Variants in PDE8A observed in about 807,000 individuals in gnomAD.
PDE8A encodes high affinity cAMP-specific and IBMX-insensitive 3',5'-cyclic phosphodiesterase 8A.
PDE8A carries 59 observed loss-of-function variants against 105.0 expected under a neutral mutation model. That is an observed-to-expected ratio of 0.56 (90% confidence interval 0.46 to 0.70). The LOEUF is 0.70. Among genes scored for constraint, PDE8A ranks in the 30% least tolerant of loss-of-function variants. The probability of loss-of-function intolerance (pLI) is 0.00; values close to 1 mark genes in which losing one functional copy is unlikely to be tolerated. For missense variants in PDE8A, 1,014 were observed against 1,045.9 expected (o/e 0.97, Z 0.42); for synonymous variants, 355 against 371.9 (o/e 0.95, Z 0.52).
intron 6 of PDE8A, among the ~76,000 whole-genome samples, chr15:85,084,828 A>T (rs1052721163): frequency 3.9e-5 from 6 of 152,176 alleles, no homozygotes; most frequent in Admixed American, 2.6e-4. Flanking sequence ...CTTAGCTGTC[A>T]TCTACCTTGT....
chr15:85,102,478 T>TCCTACACCACAAGTTCACA (rs1371241515), intron 11 of PDE8A, among the ~76,000 whole-genome samples: 1 of 150,490 alleles, frequency 6.6e-6, no homozygotes, highest in Non-Finnish European at 1.5e-5. Context: ...TTATGGAGAG[T>TCCTACACCACAAGTTCACA]CCTACACCAC....
rs776617344 is a variant in PDE8A, at chr15:85,126,223, A to G, written c.2102A>G (p.Gln701Arg). The G allele has an allele frequency of 5.6e-6, 9 of 1,604,472 alleles. No individual in the cohort carries two copies. Among genetic ancestry groups the G allele is most frequent in the Non-Finnish European group, 3.4e-6 (4 of 1,176,060 alleles). ...LEENGETDKN[Q>R]EVINTMLRTP... ...ATGTTTCAGGAAACTGATAAAAACC[A>G]GGAAGTGATAAACACTATGCTTAGG... Residue 701 changes from glutamine (Q) to arginine (R), a missense_variant, in exon 20 of 22, where the codon CAG becomes CGG. Transcript: ENST00000394553.
chr15:85,115,932 A>G, intron 15 of PDE8A, 52 bp from the exon 16 acceptor site: 2 of 1,551,180 alleles, frequency 1.3e-6, no homozygotes, highest in East Asian at 2.2e-5. Context: ...AAAAAAAAAA[A>G]AAAGTTAATC....
chr15:85,001,953 G>A (rs1274820689), intron 1 of PDE8A, among the ~76,000 whole-genome samples: 1 of 152,104 alleles, frequency 6.6e-6, no homozygotes, highest in Non-Finnish European at 1.5e-5. Flanking sequence ...TTACCTTAAA[G>A]GTTCACCTTT....
intron 1 of PDE8A, among the ~76,000 whole-genome samples, chr15:84,986,734 C>T (rs973634165): frequency 6.6e-6 from 1 of 151,936 alleles, no homozygotes; most frequent in East Asian, 1.9e-4. Context: ...ACCTCAGCCT[C>T]CCAAGTAACT....
chr15:85,026,633 A>T (rs1181568278), intron 1 of PDE8A, among the ~76,000 whole-genome samples: 1 of 152,164 alleles, frequency 6.6e-6, no homozygotes, highest in East Asian at 1.9e-4. Context: ...ATGGGTAGAG[A>T]GTCAAAAGAT....
chr15:85,081,815 G>GT (rs968741949), intron 5 of PDE8A, among the ~76,000 whole-genome samples: 5 of 152,050 alleles, frequency 3.3e-5, no homozygotes, highest in African/African-American at 9.7e-5. Flanking sequence ...TCACATGCTA[G>GT]TTTTTTTTAC....
intron 1 of PDE8A, among the ~76,000 whole-genome samples, chr15:85,013,115 C>G (rs1277158066): frequency 6.6e-6 from 1 of 152,152 alleles, no homozygotes; most frequent in Non-Finnish European, 1.5e-5. Flanking sequence ...CTAAATGACC[C>G]TGCATTTGTT....
intron 18 of PDE8A, among the ~76,000 whole-genome samples, chr15:85,121,404 C>T (rs1183683561): frequency 6.6e-6 from 1 of 152,246 alleles, no homozygotes; most frequent in East Asian, 1.9e-4. Context: ...GCTTGAGCAA[C>T]AGAGCCTTCC....
At position 85,030,713 on chromosome 15, in the gene PDE8A, CATA is replaced by C. The variant is rs1175369008; in HGVS notation, c.187-33653_187-33651del. On this transcript the variant is annotated intron_variant, in intron 1 of 21. Coordinates refer to ENST00000394553, the MANE Select transcript of PDE8A (RefSeq NM_002605.3). ...CTTCACACTTCCATGCCTTTTTGCA[CATA>C]ATATTTTCTCTTTCTAGAATGTTCA... Among the ~76,000 whole-genome samples the C allele has an allele frequency of 4.6e-5, 7 of 151,752 alleles. No homozygotes were observed. In the South Asian group the frequency reaches 1.5e-3, roughly 32 times the overall value.
chr15:85,091,772 G>C lies in PDE8A; in HGVS notation c.852+591G>C, dbSNP rs1596509123. The stretch of plus-strand genomic sequence containing the variant: ...TGAAGGAACAGGCAGAAGAAAGGCA[G>C]GCTCAGTCTGAAAGGTTATTTCTGT... On this transcript the variant is annotated intron_variant, in intron 8 of 21. Coordinates refer to ENST00000394553, the MANE Select transcript of PDE8A (RefSeq NM_002605.3). Among the ~76,000 whole-genome samples the C allele has an allele frequency of 2.6e-5, 4 of 152,228 alleles. No homozygotes were observed. The South Asian group carries it at 6.2e-4, about 24-fold the overall frequency.
chr15:85,061,964 A>G (rs1253102017), intron 1 of PDE8A, among the ~76,000 whole-genome samples: 2 of 151,518 alleles, frequency 1.3e-5, no homozygotes, highest in African/African-American at 2.4e-5. Context: ...AGTTTTTTTC[A>G]TCTCTTTACT....
chr15:85,033,497 G>T (rs922886433), intron 1 of PDE8A, among the ~76,000 whole-genome samples: 2 of 152,062 alleles, frequency 1.3e-5, no homozygotes, highest in Non-Finnish European at 2.9e-5. Flanking sequence ...ATACACACAG[G>T]CTTGCAAGTA....
intron 11 of PDE8A, among the ~76,000 whole-genome samples, chr15:85,106,011 T>C (rs1319983259): frequency 6.6e-6 from 1 of 152,178 alleles, no homozygotes; most frequent in African/African-American, 2.4e-5. Flanking sequence ...CTACAGGGAC[T>C]AGGGGAGCAG....
At chr15:85,033,748 C>G (rs1437840192) in intron 1 of PDE8A, among the ~76,000 whole-genome samples, 1 of 152,070 alleles carries the variant, frequency 6.6e-6, no homozygotes, top group East Asian at 1.9e-4. Flanking sequence ...GCCTGTAATC[C>G]CAGCTGTTCG....
At chr15:85,032,270 CTG>C (rs1199828215) in intron 1 of PDE8A, among the ~76,000 whole-genome samples, 1 of 152,208 alleles carries the variant, frequency 6.6e-6, no homozygotes, top group African/African-American at 2.4e-5. Context: ...AAGGAGCAGT[CTG>C]TAATTCTCTT....
At chr15:84,999,764 C>T (rs189298010) in intron 1 of PDE8A, among the ~76,000 whole-genome samples, 2 of 151,916 alleles carry the variant, frequency 1.3e-5, no homozygotes, top group African/African-American at 4.8e-5. Context: ...TTGGTAGAGA[C>T]GGGCTTTCAC....
intron 1 of PDE8A, among the ~76,000 whole-genome samples, chr15:85,039,885 A>C (rs976730137): frequency 1.3e-5 from 2 of 152,198 alleles, no homozygotes; most frequent in Non-Finnish European, 2.9e-5. Context: ...AATATACAAA[A>C]GTTGAACTTA....
At chr15:85,057,870 T>G (rs1400880072) in intron 1 of PDE8A, among the ~76,000 whole-genome samples, 1 of 152,232 alleles carries the variant, frequency 6.6e-6, no homozygotes, top group Non-Finnish European at 1.5e-5. Context: ...AATACATCCT[T>G]GCATTTCAGG....
Sources: allele counts gnomAD v4.1 joint callset (sites outside exome capture counted in the v4.1 genomes callset), GRCh38; gene constraint gnomAD v4.1.1; transcripts MANE v1.5; gene names NCBI Gene and HGNC (gene_info 2026-07-23, HGNC 2026-07-21).